PCDHGA3: variants seen among roughly 807,000 people sequenced by gnomAD.
PCDHGA3 encodes the protein protocadherin gamma subfamily A, 3.
A neutral mutation model predicts 58.5 loss-of-function variants in PCDHGA3; 40 were observed. The ratio of observed to expected loss-of-function variants is 0.68; its 90% CI spans 0.53 to 0.89. The LOEUF is 0.89. Ranked by LOEUF, PCDHGA3 falls within the 40% of genes least tolerant of loss-of-function variation. PCDHGA3 has a pLI of 0.00. For synonymous variants in PCDHGA3, 530 were observed against 525.7 expected (o/e 1.01, Z -0.11); for missense variants, 1,223 against 1,195.9 (o/e 1.02, Z -0.33).
At chr5:141,370,481 C>G (rs1766946658) in intron 1 of PCDHGA3, 2 of 1,613,770 alleles carry the variant, frequency 1.2e-6, no homozygotes, top group African/African-American at 2.7e-5. Flanking sequence ...ACCAGGCTCT[C>G]TCCGAACCGA....
intron 1 of PCDHGA3, chr5:141,399,279 C>G (rs370090713): frequency 1.2e-6 from 2 of 1,613,694 alleles, no homozygotes; most frequent in Non-Finnish European, 1.7e-6. Flanking sequence ...AATTACAAGG[C>G]GAAGTCCCTT....
intron 1 of PCDHGA3, among the ~76,000 whole-genome samples, chr5:141,348,453 G>T (rs1758123244): frequency 6.6e-6 from 1 of 152,062 alleles, no homozygotes; most frequent in Non-Finnish European, 1.5e-5. Flanking sequence ...AAAAAAAAAT[G>T]TTTATAGTAT....
At chr5:141,372,565 A>T (rs1005971734) in intron 1 of PCDHGA3, 4 of 1,614,038 alleles carry the variant, frequency 2.5e-6, no homozygotes, top group Non-Finnish European at 3.4e-6. Context: ...CCCGCCACTG[A>T]GGGCTACTTT....
intron 1 of PCDHGA3, chr5:141,439,815 T>C (rs1027862858): frequency 5.3e-5 from 8 of 152,314 alleles, no homozygotes; most frequent in African/African-American, 1.9e-4. Flanking sequence ...AAGGGGCTTA[T>C]TTGGGCTGGA....
At chr5:141,415,791 C>G (rs2095959265) in intron 1 of PCDHGA3, 4 of 1,341,886 alleles carry the variant, frequency 3.0e-6, no homozygotes, top group Admixed American at 8.1e-5. Context: ...GTAAAATTCA[C>G]CTAGTCTCAA....
intron 1 of PCDHGA3, chr5:141,356,537 A>T (rs749492777): frequency 1.2e-6 from 2 of 1,614,146 alleles, no homozygotes; most frequent in South Asian, 2.2e-5. Context: ...ATGGACATCA[A>T]TGACAACCCA....
intron 1 of PCDHGA3, chr5:141,411,444 T>C (rs1589800236): frequency 6.8e-6 from 1 of 147,662 alleles, no homozygotes; most frequent in African/African-American, 2.5e-5. Context: ...ATTAGCAGAG[T>C]GTGGTAGCAT....
chr5:141,351,956 G>C (rs970182422), intron 1 of PCDHGA3: 6 of 1,612,992 alleles, frequency 3.7e-6, no homozygotes, highest in Non-Finnish European at 5.1e-6. Context: ...GCTGGGGCCT[G>C]ATGGCTCCGC....
At chr5:141,451,892 A>C (rs1215224398) in intron 1 of PCDHGA3, among the ~76,000 whole-genome samples, 2 of 152,114 alleles carry the variant, frequency 1.3e-5, no homozygotes, top group Non-Finnish European at 2.9e-5. Context: ...AAAGAAAGGA[A>C]GGAACAAGGG....
chr5:141,486,879 G>A lies in PCDHGA3; in HGVS notation c.2425-7928G>A, dbSNP rs1371072899. 7 of 1,614,228 alleles carry A rather than the reference G, an allele frequency of 4.3e-6. No homozygotes were observed. Among genetic ancestry groups the A allele is most frequent in the Non-Finnish European group, 4.2e-6 (5 of 1,180,046 alleles). On this transcript the variant is annotated intron_variant, in intron 1 of 3. Coordinates refer to ENST00000253812, the MANE Select transcript of PCDHGA3 (RefSeq NM_018916.4). The surrounding 1 kb of genome is among the most constrained non-coding windows in gnomAD (Gnocchi z 5.0). Reference sequence around the variant, plus strand: ...AATGCTCCAGCTGTGCTCCGTCCTCGGGCCCGGCCTGGTTCCTTATGTCCC... The same window carrying A: ...AATGCTCCAGCTGTGCTCCGTCCTCAGGCCCGGCCTGGTTCCTTATGTCCC...
At chr5:141,420,420 CAA>C (rs1462714732) in intron 1 of PCDHGA3, 2 of 1,201,950 alleles carry the variant, frequency 1.7e-6, no homozygotes, top group African/African-American at 3.2e-5. Context: ...ATTATTAAAA[CAA>C]AAGTTTAAAT....
At chr5:141,415,422 G>A (rs769839324) in intron 1 of PCDHGA3, 3 of 1,614,204 alleles carry the variant, frequency 1.9e-6, no homozygotes, top group East Asian at 2.2e-5. Context: ...GCGTGGACGG[G>A]GTTCGGGCTT....
At chr5:141,346,808 G>GA (rs1757808516) in intron 1 of PCDHGA3, among the ~76,000 whole-genome samples, 3 of 152,150 alleles carry the variant, frequency 2.0e-5, no homozygotes, top group South Asian at 4.1e-4. Flanking sequence ...ACACAACACT[G>GA]GTTTGTATAC....
At chr5:141,385,399 G>A in intron 1 of PCDHGA3, 1 of 1,492,926 alleles carries the variant, frequency 6.7e-7, no homozygotes, top group Non-Finnish European at 8.9e-7. Flanking sequence ...CAAAACAAAT[G>A]TTTTGAAAAT....
In PCDHGA3 at chr5:141,410,925, C is replaced by T. The variant is rs576126485; in HGVS notation, c.2424+64468C>T. The T allele has an allele frequency of 2.3e-5, 5 of 217,506 alleles. No individual in the cohort carries two copies. The East Asian group carries it at 5.8e-4, about 25-fold the overall frequency. 13.5% of individuals were successfully genotyped at this position (217,506 alleles called of 1,614,324 possible). Reference sequence around the variant, plus strand: ...CTGGAGTGCAGTGGCGTGATCTCTGCTCACTGCAACCTCCGCCTTCTGGGT... The same window carrying T: ...CTGGAGTGCAGTGGCGTGATCTCTGTTCACTGCAACCTCCGCCTTCTGGGT... On this transcript the variant is annotated intron_variant, in intron 1 of 3. Coordinates refer to ENST00000253812, the MANE Select transcript of PCDHGA3 (RefSeq NM_018916.4).
intron 2 of PCDHGA3, among the ~76,000 whole-genome samples, chr5:141,500,774 A>G (rs1479931234): frequency 6.6e-6 from 1 of 152,188 alleles, no homozygotes; most frequent in Non-Finnish European, 1.5e-5. Context: ...TCTTATGAAT[A>G]TACATATTAT....
intron 1 of PCDHGA3, among the ~76,000 whole-genome samples, chr5:141,401,855 C>T (rs1188056656): frequency 1.3e-5 from 2 of 152,164 alleles, no homozygotes; most frequent in African/African-American, 2.4e-5. Flanking sequence ...TACTTTTAAC[C>T]TTTCAGTAGT....
intron 1 of PCDHGA3, chr5:141,371,219 C>G: frequency 6.2e-7 from 1 of 1,613,954 alleles, no homozygotes. Context: ...GCATCAATGC[C>G]GAAATCATCT....
intron 1 of PCDHGA3, chr5:141,394,509 G>A (rs367855808): frequency 6.2e-7 from 1 of 1,614,146 alleles, no homozygotes; most frequent in Non-Finnish European, 8.5e-7. Context: ...CCTGTACCCC[G>A]CCCTCCCCAC....
Sources: gnomAD v4.1 joint callset for allele counts (sites outside exome capture counted in the v4.1 genomes callset) on GRCh38, gnomAD v4.1.1 for gene constraint, Gnocchi (gnomAD v3.1) non-coding constraint, MANE v1.5 for transcripts, NCBI Gene and HGNC (gene_info 2026-07-23, HGNC 2026-07-21) for gene names.